The following MAP3K8 variants were observed in gnomAD, a reference collection of about 807,000 sequenced individuals.
MAP3K8 encodes the protein mitogen-activated protein kinase kinase kinase 8.
A neutral mutation model predicts 45.8 loss-of-function variants in MAP3K8; 22 were observed. The observed-to-expected ratio is 0.48, with a 90% CI of 0.34 to 0.69. MAP3K8 has a LOEUF of 0.69. Among genes scored for constraint, MAP3K8 ranks in the 30% least tolerant of loss-of-function variants. MAP3K8 has a pLI of 0.01. For synonymous variants in MAP3K8, 223 were observed against 214.3 expected (o/e 1.04, Z -0.36); for missense variants, 419 against 585.0 (o/e 0.72, Z 2.93).
intron 7 of MAP3K8, 70 bp from the exon 8 acceptor site, chr10:30,459,172 TCTAGGTCCTGGTA>T: frequency 6.7e-7 from 1 of 1,491,816 alleles, no homozygotes. Flanking sequence ...CGGATTACTT[TCTAGGTCCTGGTA>T]CTAGCATGCT....
chr10:30,459,544 C>G, intron 8 of MAP3K8, 43 bp downstream of exon 8: 1 of 1,606,316 alleles, frequency 6.2e-7, no homozygotes, highest in Middle Eastern at 2.1e-4. Flanking sequence ...CTTCCCTTCT[C>G]TTTCTGTCCA....
intron 3 of MAP3K8, among the ~76,000 whole-genome samples, chr10:30,441,318 G>A (rs1309104802): frequency 3.3e-5 from 5 of 152,002 alleles, no homozygotes; most frequent in East Asian, 1.9e-4. Context: ...CACCATACCC[G>A]GCTAATTTTT....
At chr10:30,459,139 G>A (rs1836844799) in intron 7 of MAP3K8, 116 bp from the exon 8 acceptor site, 12 of 1,106,654 alleles carry the variant, frequency 1.1e-5, no homozygotes, top group Admixed American at 4.4e-5. Flanking sequence ...AACTGCATTC[G>A]TTGCAGGGCA....
At chr10:30,440,576 T>A (rs569220714) in intron 3 of MAP3K8, among the ~76,000 whole-genome samples, 1 of 152,324 alleles carries the variant, frequency 6.6e-6, no homozygotes, top group South Asian at 2.1e-4. Flanking sequence ...GGTCTGGCTC[T>A]ATCAAGCTCT....
In MAP3K8 at chr10:30,450,200, A is replaced by G. The variant is rs146666754; in HGVS notation, c.505-58A>G. On this transcript the variant is annotated intron_variant, in intron 4 of 8. Transcript: ENST00000263056. ...TGTTTTTTGCATTGACCTATATTTT[A>G]TATTTTTAAGATGACTTTGGGGTTA... The G allele has an allele frequency of 6.7e-4, 1,013 of 1,501,966 alleles. 12 individuals carry two copies. In the African/African-American group the frequency reaches 0.013, roughly 19 times the overall value. The allele number at this position is 1,501,966 out of a possible 1,614,324, so 93.0% of individuals were successfully genotyped here. A position where few individuals can be genotyped will look rare whatever the true frequency, so the allele number is the denominator to read the frequency against.
At chr10:30,460,576 A>G (rs1169977420) in intron 8 of MAP3K8, 130 bp from the exon 9 acceptor site, 4 of 696,558 alleles carry the variant, frequency 5.7e-6, no homozygotes, top group Non-Finnish European at 9.3e-6. Context: ...CATAGTGTTC[A>G]AAGACCCATC....
intron 6 of MAP3K8, among the ~76,000 whole-genome samples, chr10:30,452,963 GC>G (rs1836603729): frequency 6.6e-6 from 1 of 151,994 alleles, no homozygotes; most frequent in African/African-American, 2.4e-5. Context: ...ACAGGTTTGA[GC>G]CCCCGTGTCT....
chr10:30,436,773 C>T (rs1169769796), intron 1 of MAP3K8, among the ~76,000 whole-genome samples: 1 of 148,730 alleles, frequency 6.7e-6, no homozygotes, highest in Non-Finnish European at 1.5e-5. Flanking sequence ...GACTTTTTTC[C>T]TCTTTCTTTC....
At chr10:30,436,168 G>A (rs978665572) in intron 1 of MAP3K8, among the ~76,000 whole-genome samples, 7 of 152,188 alleles carry the variant, frequency 4.6e-5, no homozygotes, top group African/African-American at 1.4e-4. Flanking sequence ...ACTGTGTCAA[G>A]GGAAAAATCA....
chr10:30,456,506 A>G (rs928083276), intron 6 of MAP3K8, among the ~76,000 whole-genome samples: 1 of 152,026 alleles, frequency 6.6e-6, no homozygotes, highest in Non-Finnish European at 1.5e-5. Context: ...TAGTTCTCTA[A>G]TTACTTACCC....
chr10:30,456,868 G>A lies in MAP3K8; in HGVS notation c.874-1216G>A, dbSNP rs371768779. Among the ~76,000 whole-genome samples the A allele has an allele frequency of 5.5e-4, 84 of 152,014 alleles. No homozygotes were observed. In the East Asian group the frequency reaches 0.012, roughly 22 times the overall value. The stretch of plus-strand genomic sequence containing the variant: ...TGGGAGGCCGAGGCAGGTGGATCAC[G>A]AGGTCAGGAGTTCGAGACCAGCCTG... On this transcript the variant is annotated intron_variant, in intron 6 of 8. Coordinates refer to ENST00000263056, the MANE Select transcript of MAP3K8 (RefSeq NM_005204.4).
intron 6 of MAP3K8, among the ~76,000 whole-genome samples, chr10:30,456,375 G>A (rs8177061): frequency 0.012 from 1,894 of 152,228 alleles, 21 homozygotes; most frequent in Middle Eastern, 0.031. Context: ...GCTTGAGAAC[G>A]GGAGCTCAGT....
At chr10:30,459,570 G>A in intron 8 of MAP3K8, 69 bp downstream of exon 8, 1 of 1,564,470 alleles carries the variant, frequency 6.4e-7, no homozygotes, top group Non-Finnish European at 8.7e-7. Context: ...AACCTCTGAT[G>A]TAGTTCATGA....
intron 3 of MAP3K8, among the ~76,000 whole-genome samples, chr10:30,444,322 G>A (rs559489196): frequency 1.3e-5 from 2 of 152,076 alleles, no homozygotes; most frequent in South Asian, 4.1e-4. Context: ...AATTAGCTGG[G>A]CGTGGTGGCA....
At chr10:30,436,524 A>G (rs1206027635) in intron 1 of MAP3K8, among the ~76,000 whole-genome samples, 1 of 152,128 alleles carries the variant, frequency 6.6e-6, no homozygotes, top group African/African-American at 2.4e-5. Flanking sequence ...GTGTGTGTTC[A>G]AGCTCTTGGG....
chr10:30,458,210 T>A lies in MAP3K8; in HGVS notation c.1000T>A (p.Ser334Thr). ...ACCCTGGGTGAAGCGCTACCCTCGC[T>A]CAGCCTATCCCTCCTACCTGTACAT... ...TPPWVKRYPR[S>T]AYPSYLYIIH... Residue 334 changes from serine to threonine, a missense_variant, in exon 7 of 9, where the codon TCA becomes ACA. Around this residue, in one of 3 missense-constraint regions of MAP3K8, gnomAD observed 209 missense variants for 367.3 expected, o/e 0.57. Transcript: ENST00000263056. 1 of 1,506,740 alleles carries A rather than the reference T, an allele frequency of 6.6e-7. No homozygotes were observed. The highest frequency in any genetic ancestry group is 9.0e-7 in the Non-Finnish European group (1 of 1,114,564). 93.3% of individuals were successfully genotyped at this position (1,506,740 alleles called of 1,614,324 possible).
chr10:30,455,532 G>A (rs566290980), intron 6 of MAP3K8, among the ~76,000 whole-genome samples: 1 of 152,298 alleles, frequency 6.6e-6, no homozygotes, highest in South Asian at 2.1e-4. Flanking sequence ...AGAATAGACT[G>A]TTTTTGAGTT....
chr10:30,443,369 G>C, intron 3 of MAP3K8, among the ~76,000 whole-genome samples: 1 of 152,216 alleles, frequency 6.6e-6, no homozygotes, highest in East Asian at 1.9e-4. Flanking sequence ...AGTTACTGTT[G>C]TATACAATTG....
chr10:30,450,741 T>C (rs1161503194), intron 5 of MAP3K8: 4 of 544,150 alleles, frequency 7.4e-6, no homozygotes, highest in Non-Finnish European at 1.3e-5. Flanking sequence ...GTTGAAAGGT[T>C]ATAGCTACAT....
Sources: allele counts gnomAD v4.1 joint callset (sites outside exome capture counted in the v4.1 genomes callset), GRCh38; gene constraint gnomAD v4.1.1; regional missense constraint gnomAD v4.1.1; transcripts MANE v1.5; gene names NCBI Gene and HGNC (gene_info 2026-07-23, HGNC 2026-07-21).